Variants in EXOC6B observed in about 807,000 individuals in gnomAD.
The protein encoded by EXOC6B is exocyst complex component 6B.
In EXOC6B, 54 loss-of-function variants were observed where a neutral mutation model predicts 113.5. The observed-to-expected ratio is 0.48, with a 90% CI of 0.38 to 0.60. The LOEUF is 0.60. Ranked by LOEUF, EXOC6B falls within the 20% of genes least tolerant of loss-of-function variation. The pLI is 0.00. For missense variants in EXOC6B, 797 were observed against 977.5 expected (o/e 0.82, Z 2.46); for synonymous variants, 357 against 339.0 (o/e 1.05, Z -0.58).
At chr2:72,741,706 TAA>T (rs1316296351) in intron 1 of EXOC6B, among the ~76,000 whole-genome samples, 1 of 152,224 alleles carries the variant, frequency 6.6e-6, no homozygotes, top group African/African-American at 2.4e-5. Context: ...ATCATAAAAT[TAA>T]AAGACTGAAT....
intron 8 of EXOC6B, among the ~76,000 whole-genome samples, chr2:72,547,012 G>A (rs1401901573): frequency 2.6e-5 from 4 of 152,218 alleles, no homozygotes; most frequent in Non-Finnish European, 5.9e-5. Flanking sequence ...GAGATTCAGG[G>A]AATTGGCGAA....
chr2:72,367,829 C>G (rs1390479499), intron 19 of EXOC6B, among the ~76,000 whole-genome samples: 1 of 152,076 alleles, frequency 6.6e-6, no homozygotes, highest in African/African-American at 2.4e-5. Context: ...TCAGAACCCA[C>G]ACATGGAGGG....
intron 18 of EXOC6B, among the ~76,000 whole-genome samples, chr2:72,422,587 C>T (rs1337571734): frequency 6.6e-6 from 1 of 151,870 alleles, no homozygotes; most frequent in African/African-American, 2.4e-5. Flanking sequence ...GTAAATACAC[C>T]AATCAGCACC....
chr2:72,216,839 G>T (rs1680565547), intron 20 of EXOC6B, among the ~76,000 whole-genome samples: 1 of 151,984 alleles, frequency 6.6e-6, no homozygotes, highest in African/African-American at 2.4e-5. Flanking sequence ...TTCATAAGTG[G>T]GACCTGAACA....
At chr2:72,562,981 T>A (rs1703973226) in intron 7 of EXOC6B, among the ~76,000 whole-genome samples, 1 of 152,140 alleles carries the variant, frequency 6.6e-6, no homozygotes, top group Non-Finnish European at 1.5e-5. Flanking sequence ...CCTAATTCCC[T>A]AATAGTTTCT....
intron 6 of EXOC6B, among the ~76,000 whole-genome samples, chr2:72,616,480 C>A (rs1440745110): frequency 6.6e-6 from 1 of 152,154 alleles, no homozygotes; most frequent in Non-Finnish European, 1.5e-5. Flanking sequence ...ATTCACATAA[C>A]TACAGTGTAT....
intron 18 of EXOC6B, among the ~76,000 whole-genome samples, chr2:72,389,607 A>G (rs561773795): frequency 2.0e-5 from 3 of 152,214 alleles, no homozygotes; most frequent in African/African-American, 2.4e-5. Flanking sequence ...GCTTTTGATC[A>G]TCTAAAAAAG....
At chr2:72,725,042 A>G (rs1319237339) in intron 5 of EXOC6B, among the ~76,000 whole-genome samples, 1 of 152,252 alleles carries the variant, frequency 6.6e-6, no homozygotes, top group Non-Finnish European at 1.5e-5. Flanking sequence ...AGATTTTATG[A>G]ATATTGTAAA....
At chr2:72,268,107 T>C (rs1360934505) in intron 20 of EXOC6B, among the ~76,000 whole-genome samples, 1 of 152,138 alleles carries the variant, frequency 6.6e-6, no homozygotes, top group East Asian at 1.9e-4. Flanking sequence ...TTTTGGGTTT[T>C]TTTGTTTTGT....
chr2:72,593,579 T>C (rs567255317), intron 6 of EXOC6B, among the ~76,000 whole-genome samples: 28 of 148,522 alleles, frequency 1.9e-4, no homozygotes, highest in African/African-American at 6.7e-4. Flanking sequence ...ATGCCGGGGA[T>C]GCAATCAAAA....
intron 1 of EXOC6B, among the ~76,000 whole-genome samples, chr2:72,768,280 A>AATGC (rs997160307): frequency 5.4e-5 from 8 of 147,180 alleles, no homozygotes; most frequent in African/African-American, 2.0e-4. Context: ...CCCCTAGGAG[A>AATGC]ATGCAAGCTT....
intron 6 of EXOC6B, among the ~76,000 whole-genome samples, chr2:72,672,303 C>G (rs1675945239): frequency 6.6e-6 from 1 of 151,472 alleles, no homozygotes; most frequent in Non-Finnish European, 1.5e-5. Context: ...TGGAATCAAC[C>G]TACATATCCA....
At chr2:72,379,284 T>A (rs1460610725) in intron 19 of EXOC6B, among the ~76,000 whole-genome samples, 1 of 152,224 alleles carries the variant, frequency 6.6e-6, no homozygotes, top group African/African-American at 2.4e-5. Flanking sequence ...TTTGTATTTC[T>A]TATAATAGAA....
chr2:72,618,831 A>C (rs1438059858), intron 6 of EXOC6B, among the ~76,000 whole-genome samples: 2 of 152,134 alleles, frequency 1.3e-5, no homozygotes, highest in Non-Finnish European at 2.9e-5. Context: ...CTGGAAACTA[A>C]CCCTACTCTC....
chr2:72,255,028 A>C (rs778432407), intron 20 of EXOC6B, among the ~76,000 whole-genome samples: 1 of 152,196 alleles, frequency 6.6e-6, no homozygotes, highest in African/African-American at 2.4e-5. Flanking sequence ...GGAAACTTAC[A>C]CTTAAAGAAA....
chr2:72,645,621 C>T (rs930324538), intron 6 of EXOC6B, among the ~76,000 whole-genome samples: 10 of 152,306 alleles, frequency 6.6e-5, no homozygotes, highest in African/African-American at 2.2e-4. Context: ...CAAATTACAA[C>T]TCAGAATTAA....
intron 20 of EXOC6B, among the ~76,000 whole-genome samples, chr2:72,310,807 G>A (rs1220963468): frequency 6.6e-6 from 1 of 150,408 alleles, no homozygotes; most frequent in East Asian, 1.9e-4. Context: ...CATTTATTAA[G>A]CCTCTACCAT....
At chr2:72,540,890 C>T (rs531132810) in intron 8 of EXOC6B, among the ~76,000 whole-genome samples, 2 of 152,290 alleles carry the variant, frequency 1.3e-5, no homozygotes, top group Admixed American at 1.3e-4. Flanking sequence ...GTTTGTAAAT[C>T]CTAGGTTTAT....
At chr2:72,182,779 A>G in intron 21 of EXOC6B, 1 of 702,494 alleles carries the variant, frequency 1.4e-6, no homozygotes, top group East Asian at 3.4e-5. Flanking sequence ...TTAGTATGTC[A>G]GGGCGGGGAC....
Sources: allele counts gnomAD v4.1 joint callset (sites outside exome capture counted in the v4.1 genomes callset), GRCh38; gene constraint gnomAD v4.1.1; transcripts MANE v1.5; gene names NCBI Gene and HGNC (gene_info 2026-07-23, HGNC 2026-07-21).